Variants in STRADB observed in about 807,000 individuals in gnomAD.
The protein encoded by STRADB is STE20-related kinase adapter protein beta.
STRADB carries 34 observed loss-of-function variants against 52.1 expected under a neutral mutation model. That is an observed-to-expected ratio of 0.65 (90% confidence interval 0.50 to 0.87). The LOEUF (loss-of-function observed/expected upper bound fraction) is 0.87, where lower values mean the gene tolerates loss of function less well. Ranked by LOEUF, STRADB falls within the 40% of genes least tolerant of loss-of-function variation. The probability of loss-of-function intolerance (pLI) is 0.00; values close to 1 mark genes in which losing one functional copy is unlikely to be tolerated. For synonymous variants in STRADB, 133 were observed against 174.5 expected, an observed-to-expected ratio of 0.76 and a Z score of 1.87; for missense variants, 340 against 483.9, an observed-to-expected ratio of 0.70 and a Z score of 2.79.
chr2:201,457,437 G>A (rs1019771614), intron 2 of STRADB: 11 of 152,086 alleles, frequency 7.2e-5, no homozygotes, highest in Admixed American at 2.0e-4. Context: ...CATTGTTAGC[G>A]TCTATTCTTC....
intron 3 of STRADB, among the ~76,000 whole-genome samples, chr2:201,463,655 T>C (rs535756742): frequency 3.3e-5 from 5 of 152,210 alleles, no homozygotes; most frequent in Non-Finnish European, 7.3e-5. Context: ...AGTTCTGTGT[T>C]ATTATCCCTT....
At chr2:201,457,884 C>T (rs888628232) in intron 2 of STRADB, among the ~76,000 whole-genome samples, 4 of 151,930 alleles carry the variant, frequency 2.6e-5, no homozygotes, top group South Asian at 4.1e-4. Flanking sequence ...ATTAGCGGGG[C>T]GTGGTGGCAG....
intron 4 of STRADB, among the ~76,000 whole-genome samples, chr2:201,470,495 G>T (rs1952372729): frequency 6.6e-6 from 1 of 152,174 alleles, no homozygotes; most frequent in Non-Finnish European, 1.5e-5. Context: ...ATGGGTTATT[G>T]TTTATAGCTT....
intron 5 of STRADB, among the ~76,000 whole-genome samples, 157 bp downstream of exon 5, chr2:201,473,233 C>G (rs1952419074): frequency 6.6e-6 from 1 of 152,012 alleles, no homozygotes. Context: ...ATTTACATAG[C>G]ATTTACATTG....
chr2:201,471,385 A>T (rs1455239826), intron 4 of STRADB, among the ~76,000 whole-genome samples: 1 of 152,172 alleles, frequency 6.6e-6, no homozygotes, highest in Non-Finnish European at 1.5e-5. Context: ...TGGCCTCCAC[A>T]ACCTACCCTC....
chr2:201,458,683 C>A (rs1442580778), intron 2 of STRADB, 101 bp from the exon 3 acceptor site: 3 of 989,152 alleles, frequency 3.0e-6, no homozygotes, highest in Non-Finnish European at 4.5e-6. Context: ...CCCTTCCTCT[C>A]TTTTCCCCAC....
chr2:201,477,829 A>G, intron 8 of STRADB, 39 bp downstream of exon 8: 1 of 1,599,770 alleles, frequency 6.3e-7, no homozygotes, highest in Non-Finnish European at 8.6e-7. Flanking sequence ...CTGTGTCTCA[A>G]GTGTCTTCTG....
At position 201,480,434 on chromosome 2, in the gene STRADB, G is replaced by GACTA. The variant is rs764231022; in HGVS notation, c.*263_*266dup. ...ATTCTGGAATTTTTTTCTAAGCTGTGACTAACTCTTTTTATCTCTCAATAT... is the reference window on the plus strand; with the variant it reads ...ATTCTGGAATTTTTTTCTAAGCTGTGACTAACTAACTCTTTTTATCTCTCAATAT... On this transcript the variant is annotated 3_prime_UTR_variant, in exon 12 of 12. Transcript: ENST00000194530. 5.0e-6 allele frequency: 6 copies of GACTA among 1,205,722 alleles called. No individual in the cohort carries two copies. Among genetic ancestry groups the GACTA allele is most frequent in the Non-Finnish European group, 4.1e-6 (4 of 969,352 alleles). The allele number at this position is 1,205,722 out of a possible 1,614,324, so 74.7% of individuals were successfully genotyped here.
chr2:201,453,244 TA>T (rs1455508822), intron 1 of STRADB, among the ~76,000 whole-genome samples: 1 of 152,196 alleles, frequency 6.6e-6, no homozygotes, highest in African/African-American at 2.4e-5. Flanking sequence ...ATAGACAACG[TA>T]ATGGAGTTTC....
intron 4 of STRADB, among the ~76,000 whole-genome samples, chr2:201,470,578 G>C (rs1952374148): frequency 6.6e-6 from 1 of 152,182 alleles, no homozygotes; most frequent in Non-Finnish European, 1.5e-5. Flanking sequence ...ATTGTGTTAG[G>C]TGCTAGGGAA....
intron 9 of STRADB, 71 bp from the exon 10 acceptor site, chr2:201,478,286 G>C: frequency 6.3e-7 from 1 of 1,598,494 alleles, no homozygotes; most frequent in Non-Finnish European, 8.5e-7. Flanking sequence ...TAGACTCTTA[G>C]GAGCTTTATT....
At chr2:201,460,364 TA>T (rs1431766109) in intron 3 of STRADB, among the ~76,000 whole-genome samples, 2 of 152,224 alleles carry the variant, frequency 1.3e-5, no homozygotes, top group Non-Finnish European at 2.9e-5. Flanking sequence ...ACTTTAAGCA[TA>T]AATCATTTCT....
intron 2 of STRADB, 89 bp from the exon 3 acceptor site, chr2:201,458,695 G>A: frequency 8.8e-7 from 1 of 1,136,682 alleles, no homozygotes; most frequent in Non-Finnish European, 1.3e-6. Flanking sequence ...TTTCCCCACT[G>A]TAGTCATTAG....
Position 201,478,589 on chromosome 2 carries a change from A to C in STRADB, c.1058A>C (p.Asp353Ala). Residue 353 changes from aspartate (D) to alanine (A), a missense_variant, in exon 10 of 12, where the codon GAT (aspartate) becomes GCT (alanine). Coordinates refer to ENST00000194530, the MANE Select transcript of STRADB (RefSeq NM_018571.6). Reference protein sequence around the residue: ...FSLVQLCLQQDPEKRPSASSL... With the variant: ...FSLVQLCLQQAPEKRPSASSL... ...TTGGTACAGCTCTGTTTGCAACAAG[A>C]TCCTGAGAAAAGGTAATATTGATCT... 1 of 1,613,896 alleles carries C rather than the reference A, an allele frequency of 6.2e-7. No individual in the cohort carries two copies. The highest frequency in any genetic ancestry group is 8.5e-7 in the Non-Finnish European group (1 of 1,179,960).
chr2:201,477,862 GT>G, intron 8 of STRADB, 72 bp downstream of exon 8: 1 of 1,553,658 alleles, frequency 6.4e-7, no homozygotes, highest in Non-Finnish European at 8.8e-7. Flanking sequence ...GTACAGTTGT[GT>G]CTTTATATTT....
intron 10 of STRADB, chr2:201,479,148 A>T: frequency 5.1e-6 from 1 of 197,932 alleles, no homozygotes; most frequent in Non-Finnish European, 1.0e-5. Context: ...TTTACAATAA[A>T]AATGAGAGTA....
intron 3 of STRADB, among the ~76,000 whole-genome samples, chr2:201,465,361 T>C (rs1232599170): frequency 1.3e-5 from 2 of 152,156 alleles, no homozygotes; most frequent in Non-Finnish European, 2.9e-5. Flanking sequence ...CAGTTTCCCT[T>C]CTGGCCCAGG....
intron 11 of STRADB, 55 bp from the exon 12 acceptor site, chr2:201,479,977 A>C: frequency 6.3e-7 from 1 of 1,589,790 alleles, no homozygotes; most frequent in South Asian, 1.1e-5. Flanking sequence ...ATTGCTAACA[A>C]AACTGATATA....
chr2:201,478,486 T>C lies in STRADB; in HGVS notation c.955T>C (p.Ser319Pro), dbSNP rs774448521. Residue 319 changes from serine (S) to proline (P), a missense_variant, in exon 10 of 12, where the codon TCC becomes CCC. By Grantham distance (74) the Ser-to-Pro change is moderately conservative. Coordinates refer to ENST00000194530, the MANE Select transcript of STRADB (RefSeq NM_018571.6). ...TGGGATTGGAGAAAGTGTGCTTGTC[T>C]CCAGTGGAACTCACACAGTAAATAG... ...DSGIGESVLV[S>P]SGTHTVNSDR... 7.4e-6 allele frequency: 12 copies of C among 1,614,028 alleles called. No homozygotes were observed. Among genetic ancestry groups the C allele is most frequent in the Non-Finnish European group, 8.5e-6 (10 of 1,180,024 alleles).
Sources: allele counts gnomAD v4.1 joint callset (sites outside exome capture counted in the v4.1 genomes callset), GRCh38; gene constraint gnomAD v4.1.1; transcripts MANE v1.5; gene names NCBI Gene and HGNC (gene_info 2026-07-23, HGNC 2026-07-21).